Variants in LOC128462377 observed in about 807,000 individuals in gnomAD.
chr16:89,333,133 C>T, the LOC128462377 span, among the ~76,000 whole-genome samples: 1 of 152,244 alleles, frequency 6.6e-6, no homozygotes, highest in Admixed American at 6.5e-5. Flanking sequence ...CTCAACAATG[C>T]TCTGGGAACT....
chr16:89,384,648 C>T, the LOC128462377 span, among the ~76,000 whole-genome samples: 5 of 152,116 alleles, frequency 3.3e-5, no homozygotes, highest in Non-Finnish European at 7.4e-5. Flanking sequence ...GTGGCACTGA[C>T]GGCTTCAAAG....
At chr16:89,323,506 G>A in the LOC128462377 span, among the ~76,000 whole-genome samples, 1 of 104,648 alleles carries the variant, frequency 9.6e-6, no homozygotes, top group Non-Finnish European at 2.0e-5. Flanking sequence ...GCAGAGCCCA[G>A]GGCAGGGGGG....
chr16:89,407,362 A>C, the LOC128462377 span, among the ~76,000 whole-genome samples: 24 of 152,152 alleles, frequency 1.6e-4, no homozygotes, highest in African/African-American at 4.8e-4. Flanking sequence ...CAGAGGTTTA[A>C]AGAAAGAGAC....
chr16:89,338,712 G>C, the LOC128462377 span, among the ~76,000 whole-genome samples: 2 of 94,216 alleles, frequency 2.1e-5, no homozygotes, highest in Admixed American at 1.8e-4. Context: ...GCAGCAAAGA[G>C]CAACACTCAG....
the LOC128462377 span, among the ~76,000 whole-genome samples, chr16:89,352,357 C>T: frequency 1.3e-5 from 2 of 151,480 alleles, no homozygotes; most frequent in East Asian, 3.9e-4. Flanking sequence ...GTCTAGGCAC[C>T]GCAATGTCTC....
the LOC128462377 span, among the ~76,000 whole-genome samples, chr16:89,341,959 C>T: frequency 2.7e-5 from 4 of 149,984 alleles, no homozygotes; most frequent in South Asian, 2.1e-4. Context: ...ACAGCAGCCA[C>T]GGCCCATGGC....
At chr16:89,402,308 T>C in the LOC128462377 span, among the ~76,000 whole-genome samples, 2 of 152,116 alleles carry the variant, frequency 1.3e-5, no homozygotes, top group African/African-American at 4.8e-5. Flanking sequence ...TCAGCGATAC[T>C]AATGTACAGT....
At chr16:89,392,450 G>A in the LOC128462377 span, 337 of 152,180 alleles carry the variant, frequency 2.2e-3, 3 homozygotes, top group African/African-American at 7.9e-3. Context: ...ATGGGTAAAC[G>A]ATGGAAATAA....
the LOC128462377 span, among the ~76,000 whole-genome samples, chr16:89,363,915 C>T: frequency 1.3e-5 from 2 of 152,100 alleles, no homozygotes; most frequent in Non-Finnish European, 1.5e-5. Context: ...AAAAATTACC[C>T]AGGTATGATG....
the LOC128462377 span, among the ~76,000 whole-genome samples, chr16:89,393,608 G>C: frequency 1.3e-5 from 2 of 151,666 alleles, no homozygotes; most frequent in Admixed American, 1.3e-4. Context: ...TCCCAAAGTG[G>C]TGGGATTACA....
the LOC128462377 span, among the ~76,000 whole-genome samples, chr16:89,367,379 T>C: frequency 6.6e-6 from 1 of 151,972 alleles, no homozygotes; most frequent in African/African-American, 2.4e-5. Flanking sequence ...CTGCTTCCAC[T>C]GGGGAAAGGC....
chr16:89,351,184 C>G, the LOC128462377 span, among the ~76,000 whole-genome samples: 1 of 152,208 alleles, frequency 6.6e-6, no homozygotes, highest in African/African-American at 2.4e-5. Flanking sequence ...TGAAGAAAAG[C>G]AGAGAGGCGG....
the LOC128462377 span, among the ~76,000 whole-genome samples, chr16:89,409,637 G>A: frequency 6.6e-6 from 1 of 152,182 alleles, no homozygotes; most frequent in Non-Finnish European, 1.5e-5. Flanking sequence ...AACATAGCAA[G>A]ATCCTGTTGT....
At chr16:89,367,108 G>A in the LOC128462377 span, among the ~76,000 whole-genome samples, 12 of 152,058 alleles carry the variant, frequency 7.9e-5, no homozygotes, top group Admixed American at 1.3e-4. Context: ...GAGACTCACC[G>A]GATACTCACT....
the LOC128462377 span, among the ~76,000 whole-genome samples, chr16:89,320,961 C>T: frequency 3.8e-4 from 58 of 152,356 alleles, no homozygotes; most frequent in African/African-American, 1.3e-3. Flanking sequence ...CTGCTCCTCC[C>T]GGAAGGTGGC....
the LOC128462377 span, among the ~76,000 whole-genome samples, chr16:89,328,077 T>C: frequency 7.2e-5 from 11 of 152,026 alleles, no homozygotes; most frequent in African/African-American, 2.7e-4. Flanking sequence ...TCAGAAGAGG[T>C]GCACGTGGTG....
chr16:89,398,256 G>C, the LOC128462377 span, among the ~76,000 whole-genome samples: 1 of 151,188 alleles, frequency 6.6e-6, no homozygotes. Context: ...GAGGGACACT[G>C]TGAAACAGGT....
chr16:89,350,997 C>T, the LOC128462377 span, among the ~76,000 whole-genome samples: 24 of 152,332 alleles, frequency 1.6e-4, no homozygotes, highest in African/African-American at 5.8e-4. Context: ...GGTACGCACA[C>T]TCTGTGATGC....
chr16:89,344,260 G>A, the LOC128462377 span, among the ~76,000 whole-genome samples: 6 of 152,120 alleles, frequency 3.9e-5, no homozygotes, highest in South Asian at 2.1e-4. Context: ...ACTTTCATAC[G>A]TTATTTTATT....
Sources: allele counts gnomAD v4.1 joint callset (sites outside exome capture counted in the v4.1 genomes callset), GRCh38; gene constraint gnomAD v4.1.1; transcripts MANE v1.5.